The following NPAS2 variants were observed in gnomAD, a reference collection of about 807,000 sequenced individuals.
The protein encoded by NPAS2 is neuronal PAS domain-containing protein 2.
Under a neutral mutation model 107.5 loss-of-function variants are expected in NPAS2, and 23 were observed. That is an observed-to-expected ratio of 0.21 (90% CI 0.15 to 0.30). The LOEUF (loss-of-function observed/expected upper bound fraction) is 0.30. NPAS2 is among the 10% of genes least tolerant of loss of function. NPAS2 has a pLI of 1.00. For missense variants in NPAS2, 756 were observed against 1,043.3 expected (o/e 0.72, Z 3.79); for synonymous variants, 403 against 417.5 (o/e 0.97, Z 0.42).
At chr2:100,905,328 C>T (rs962327041) in intron 2 of NPAS2, among the ~76,000 whole-genome samples, 11 of 151,892 alleles carry the variant, frequency 7.2e-5, no homozygotes, top group African/African-American at 2.7e-4. Flanking sequence ...GTGGTTGGGT[C>T]AACTAAAAAT....
intron 1 of NPAS2, among the ~76,000 whole-genome samples, chr2:100,887,399 A>G (rs1680763836): frequency 6.6e-6 from 1 of 152,340 alleles, no homozygotes; most frequent in Middle Eastern, 3.4e-3. Flanking sequence ...GGCACCACTG[A>G]ACCACTGACT....
rs1677005378 is a variant in NPAS2, at chr2:100,976,346, G to T, written c.1392+779G>T. On this transcript the variant is annotated intron_variant, in intron 14 of 20. Transcript: ENST00000335681. This position sits in a 1 kb window ranked among gnomAD's most constrained non-coding sequence, Gnocchi z 4.1. Reference sequence around the variant, plus strand: ...TCAAGCCTTAGGCTTCTCCTGGCATGGTGGTGGACTCCAGGTTCCAAGAGG... The same window carrying T: ...TCAAGCCTTAGGCTTCTCCTGGCATTGTGGTGGACTCCAGGTTCCAAGAGG... Among the ~76,000 whole-genome samples the T allele has an allele frequency of 6.6e-6, 1 of 152,050 alleles. No homozygotes were observed. Among genetic ancestry groups the T allele is most frequent in the Non-Finnish European group, 1.5e-5 (1 of 68,014 alleles).
intron 1 of NPAS2, among the ~76,000 whole-genome samples, chr2:100,852,212 C>A (rs376437500): frequency 6.6e-6 from 1 of 151,912 alleles, no homozygotes; most frequent in South Asian, 2.1e-4. Context: ...CTGGCTAACA[C>A]GGTGAAACCC....
chr2:100,908,799 G>A (rs1261308914), intron 2 of NPAS2, among the ~76,000 whole-genome samples: 1 of 152,174 alleles, frequency 6.6e-6, no homozygotes, highest in Non-Finnish European at 1.5e-5. Flanking sequence ...GTTGAGAGAC[G>A]GAGAGTAGAA....
rs561163534 is a variant in NPAS2, at chr2:100,879,502, C to A, written c.-22-25231C>A. ...TACTTCCTCCTTTTCTCTCTCCCTTCCTTCCATCCGTCCCAAACCCCTGGT... is the reference window on the plus strand; with the variant it reads ...TACTTCCTCCTTTTCTCTCTCCCTTACTTCCATCCGTCCCAAACCCCTGGT... On this transcript the variant is annotated intron_variant, in intron 1 of 20. Transcript: ENST00000335681. Among the ~76,000 whole-genome samples the A allele has an allele frequency of 9.3e-4, 142 of 152,284 alleles. 3 individuals carry two copies. The highest frequency in any genetic ancestry group is 1.2e-3 in the Admixed American group (19 of 15,294).
At chr2:100,883,190 A>G (rs944404474) in intron 1 of NPAS2, among the ~76,000 whole-genome samples, 8 of 152,240 alleles carry the variant, frequency 5.3e-5, no homozygotes, top group Admixed American at 3.9e-4. Context: ...AATTCCAAAT[A>G]AAAGGATGAT....
intron 1 of NPAS2, chr2:100,847,344 A>G (rs1311458715): frequency 6.6e-6 from 1 of 152,140 alleles, no homozygotes; most frequent in Non-Finnish European, 1.5e-5. Flanking sequence ...TGCACTTTAG[A>G]TTATGTATAC....
At chr2:100,938,771 C>T (rs879771838) in intron 5 of NPAS2, among the ~76,000 whole-genome samples, 1 of 151,744 alleles carries the variant, frequency 6.6e-6, no homozygotes. Context: ...GCGGCAGCTT[C>T]GATCTGCACA....
chr2:100,903,504 C>A (rs899879897), intron 1 of NPAS2, among the ~76,000 whole-genome samples: 1 of 152,206 alleles, frequency 6.6e-6, no homozygotes, highest in South Asian at 2.1e-4. Context: ...TGACCAAAAT[C>A]ACAAAACTAA....
At chr2:100,860,643 T>G (rs1029399783) in intron 1 of NPAS2, among the ~76,000 whole-genome samples, 2 of 152,204 alleles carry the variant, frequency 1.3e-5, no homozygotes, top group Non-Finnish European at 2.9e-5. Flanking sequence ...CCTCCATCCA[T>G]TCATTCTTTG....
At chr2:100,854,300 A>G (rs1678419191) in intron 1 of NPAS2, among the ~76,000 whole-genome samples, 1 of 151,468 alleles carries the variant, frequency 6.6e-6, no homozygotes, top group Non-Finnish European at 1.5e-5. Flanking sequence ...GAGTTGTGGG[A>G]GTGGCTGAAA....
chr2:100,897,218 G>A (rs534654243), intron 1 of NPAS2, among the ~76,000 whole-genome samples: 6 of 152,112 alleles, frequency 3.9e-5, no homozygotes, highest in Non-Finnish European at 7.4e-5. Context: ...GGGGATTATG[G>A]GAACTAAATT....
intron 1 of NPAS2, among the ~76,000 whole-genome samples, chr2:100,844,796 A>G (rs556035187): frequency 6.6e-6 from 1 of 152,314 alleles, no homozygotes; most frequent in East Asian, 1.9e-4. Context: ...TTCCAGAGCA[A>G]CAGTTGACTT....
In NPAS2 at chr2:100,882,669, C is replaced by T. The variant is rs547251503; in HGVS notation, c.-22-22064C>T. 7.9e-5 allele frequency among the ~76,000 whole-genome samples: 12 copies of T among 152,328 alleles called. No individual in the cohort carries two copies. In the South Asian group the frequency reaches 2.5e-3, roughly 32 times the overall value. On this transcript the variant is annotated intron_variant, in intron 1 of 20. Transcript: ENST00000335681. ...TCCCCGAAAACACACTTTATAAAGA[C>T]TGATTTCCTGCTGGCAGGAGAGAGA...
At chr2:100,962,619 C>G (rs1675976615) in intron 7 of NPAS2, 1 of 152,204 alleles carries the variant, frequency 6.6e-6, no homozygotes. Flanking sequence ...TGCCCAGGGT[C>G]CCAAGGGAAC....
chr2:100,940,157 G>A (rs540359901), intron 5 of NPAS2, among the ~76,000 whole-genome samples: 1 of 152,324 alleles, frequency 6.6e-6, no homozygotes, highest in African/African-American at 2.4e-5. Context: ...ACAGCTGGTT[G>A]GGCAGAGGAG....
chr2:100,974,587 G>C (rs1427911363), intron 12 of NPAS2, among the ~76,000 whole-genome samples: 1 of 152,220 alleles, frequency 6.6e-6, no homozygotes, highest in African/African-American at 2.4e-5. Context: ...GCGAGAAAGG[G>C]TAATAAACGC....
intron 7 of NPAS2, among the ~76,000 whole-genome samples, 169 bp from the exon 8 acceptor site, chr2:100,963,889 T>C (rs1210399073): frequency 6.6e-6 from 1 of 152,198 alleles, no homozygotes; most frequent in Non-Finnish European, 1.5e-5. Flanking sequence ...CTTTTTGCAA[T>C]GGGAATAATA....
At chr2:100,933,831 G>A (rs1684138742) in intron 4 of NPAS2, among the ~76,000 whole-genome samples, 1 of 152,194 alleles carries the variant, frequency 6.6e-6, no homozygotes, top group Admixed American at 6.5e-5. Flanking sequence ...GAGGCAAACT[G>A]GGACAGATGA....
Sources: gnomAD v4.1 joint callset for allele counts (sites outside exome capture counted in the v4.1 genomes callset) on GRCh38, gnomAD v4.1.1 for gene constraint, Gnocchi (gnomAD v3.1) non-coding constraint, MANE v1.5 for transcripts, NCBI Gene and HGNC (gene_info 2026-07-23, HGNC 2026-07-21) for gene names.